Variants in CLDN10 observed in about 807,000 individuals in gnomAD.
CLDN10 encodes the protein claudin-10.
A neutral mutation model predicts 22.9 loss-of-function variants in CLDN10; 15 were observed. The observed-to-expected ratio is 0.65, with a 90% CI of 0.44 to 1.01. The LOEUF (loss-of-function observed/expected upper bound fraction) is 1.01, where lower values mean the gene tolerates loss of function less well. Ranked by LOEUF, CLDN10 falls within the 50% of genes least tolerant of loss-of-function variation. The probability of loss-of-function intolerance (pLI) is 0.00; values close to 1 mark genes in which losing one functional copy is unlikely to be tolerated. For synonymous variants in CLDN10, 114 were observed against 111.4 expected, an observed-to-expected ratio of 1.02 and a Z score of -0.15; for missense variants, 247 against 287.8, an observed-to-expected ratio of 0.86 and a Z score of 1.03.
At chr13:95,553,050 T>C in intron 1 of CLDN10, 77 bp downstream of exon 1, 6 of 1,552,886 alleles carry the variant, frequency 3.9e-6, no homozygotes, top group Non-Finnish European at 5.2e-6. Context: ...TCGCCCCCAA[T>C]ACCCCCAGCG....
intron 1 of CLDN10, among the ~76,000 whole-genome samples, chr13:95,461,459 C>T (rs566719837): frequency 1.3e-5 from 2 of 152,326 alleles, no homozygotes; most frequent in African/African-American, 4.8e-5. Context: ...CTGTTCACTC[C>T]TGTCCTCAAG....
rs571543065 is a variant in CLDN10, at chr13:95,480,229, C to T, written c.214+46182C>T. 1.2e-4 allele frequency among the ~76,000 whole-genome samples: 19 copies of T among 152,314 alleles called. No homozygotes were observed. The South Asian group carries it at 2.7e-3, about 22-fold the overall frequency. On this transcript the variant is annotated intron_variant, in intron 1 of 4. Coordinates refer to the CLDN10 transcript ENST00000376873. ...ATTACCTCCCACCGGGTCCCTCCCA[C>T]GACACATGGGAATTGTAGGAGCTAT...
At chr13:95,543,964 A>G (rs1386637916) in intron 1 of CLDN10, among the ~76,000 whole-genome samples, 1 of 152,170 alleles carries the variant, frequency 6.6e-6, no homozygotes, top group Non-Finnish European at 1.5e-5. Context: ...AGAAGATTAT[A>G]CTCAAAAGAG....
intron 1 of CLDN10, among the ~76,000 whole-genome samples, chr13:95,537,083 T>A (rs1352310110): frequency 6.6e-6 from 1 of 152,198 alleles, no homozygotes; most frequent in African/African-American, 2.4e-5. Flanking sequence ...AAGCTAACAT[T>A]TTTTCTATTC....
intron 1 of CLDN10, among the ~76,000 whole-genome samples, chr13:95,480,917 A>G (rs1566292545): frequency 6.6e-6 from 1 of 152,234 alleles, no homozygotes; most frequent in African/African-American, 2.4e-5. Context: ...CCTGGGCTCT[A>G]TAGCCCAAGC....
intron 1 of CLDN10, among the ~76,000 whole-genome samples, chr13:95,487,344 G>T (rs189750568): frequency 3.3e-5 from 5 of 152,288 alleles, no homozygotes; most frequent in Admixed American, 2.6e-4. Flanking sequence ...TGAATATTCA[G>T]TACAAATAAT....
At chr13:95,573,269 A>G (rs1195518642) in intron 3 of CLDN10, among the ~76,000 whole-genome samples, 1 of 152,260 alleles carries the variant, frequency 6.6e-6, no homozygotes, top group Non-Finnish European at 1.5e-5. Context: ...TGATTAGTCC[A>G]TCACCAAGAT....
intron 1 of CLDN10, among the ~76,000 whole-genome samples, chr13:95,488,281 A>G (rs2042827804): frequency 6.6e-6 from 1 of 151,652 alleles, no homozygotes; most frequent in Non-Finnish European, 1.5e-5. Context: ...TGGTGGAAGT[A>G]TCCACCCACC....
chr13:95,577,800 A>ACATTT, intron 4 of CLDN10, 100 bp from the exon 5 acceptor site: 1 of 666,650 alleles, frequency 1.5e-6, no homozygotes, highest in South Asian at 2.1e-5. Flanking sequence ...AGGAAGATTT[A>ACATTT]CATTTAGATA....
chr13:95,433,757 A>G (rs1312432729), exon 1 of CLDN10: 2 of 1,480,722 alleles, frequency 1.4e-6, no homozygotes, highest in Admixed American at 3.5e-5. Flanking sequence ...CGCTTGTCAA[A>G]GTGTTCTCTA....
chr13:95,498,247 C>T (rs1445239410), intron 1 of CLDN10, among the ~76,000 whole-genome samples: 1 of 152,156 alleles, frequency 6.6e-6, no homozygotes, highest in African/African-American at 2.4e-5. Context: ...TCCAGGGATC[C>T]ACAACGCCAA....
chr13:95,498,867 C>A (rs2042954833), intron 1 of CLDN10, among the ~76,000 whole-genome samples: 1 of 152,184 alleles, frequency 6.6e-6, no homozygotes, highest in African/African-American at 2.4e-5. Flanking sequence ...ACTCTGTACC[C>A]ATTAAAGAAC....
chr13:95,508,229 T>C (rs1349507868), intron 1 of CLDN10, among the ~76,000 whole-genome samples: 1 of 152,212 alleles, frequency 6.6e-6, no homozygotes, highest in Non-Finnish European at 1.5e-5. Context: ...TTGCATTCCC[T>C]AAAACTACCT....
intron 1 of CLDN10, among the ~76,000 whole-genome samples, chr13:95,511,642 TTTTG>T (rs1172279441): frequency 6.6e-6 from 1 of 151,608 alleles, no homozygotes; most frequent in Non-Finnish European, 1.5e-5. Context: ...TTTTTTTGGT[TTTTG>T]TTTGTTTGTG....
rs1212447250 is a variant in CLDN10, at chr13:95,552,769, T to G, written c.16T>G (p.Ser6Ala). The G allele has an allele frequency of 1.2e-6, 2 of 1,612,522 alleles. No homozygotes were observed. The highest frequency in any genetic ancestry group is 2.7e-5 in the African/African-American group (2 of 74,924). MASTA[S>A]EIIAFMVSIS... ...AGCCGGCGGCATGGCTAGCACGGCTTCGGAGATCATCGCCTTCATGGTCTC... is the reference window on the plus strand; with the variant it reads ...AGCCGGCGGCATGGCTAGCACGGCTGCGGAGATCATCGCCTTCATGGTCTC... The change falls in exon 1 of 5, where the codon TCG becomes GCG. Residue 6 changes from serine (S) to alanine (A), a missense_variant. By Grantham distance (99) the Ser-to-Ala change is moderately conservative (BLOSUM62 1). Coordinates refer to ENST00000299339, the MANE Select transcript of CLDN10 (RefSeq NM_006984.5).
intron 1 of CLDN10, among the ~76,000 whole-genome samples, chr13:95,555,047 G>GTTT (rs71211686): frequency 0.015 from 1,598 of 108,424 alleles, 56 homozygotes; most frequent in African/African-American, 0.048. Flanking sequence ...TGTTAATCCA[G>GTTT]TTTTTTTTTT....
intron 1 of CLDN10, among the ~76,000 whole-genome samples, chr13:95,480,433 G>C (rs2042733402): frequency 6.6e-6 from 1 of 152,206 alleles, no homozygotes; most frequent in Non-Finnish European, 1.5e-5. Flanking sequence ...CCAGAGCTGG[G>C]CTCAGGCCAG....
chr13:95,554,115 A>G lies in CLDN10; in HGVS notation c.220+1142A>G, dbSNP rs576657103. On this transcript the variant is annotated intron_variant, in intron 1 of 4. Transcript: ENST00000299339. ...ACGTGGTATTTGATGGAACCTCCGTATAAGGAATACGCATCTAGTTTTAGA... is the reference window on the plus strand; with the variant it reads ...ACGTGGTATTTGATGGAACCTCCGTGTAAGGAATACGCATCTAGTTTTAGA... Among the ~76,000 whole-genome samples, 3 of 152,306 alleles carry G rather than the reference A, an allele frequency of 2.0e-5. No homozygotes were observed. In the South Asian group the frequency reaches 6.2e-4, roughly 32 times the overall value.
In CLDN10 at chr13:95,433,849, A is replaced by G. The variant is rs1419542422; in HGVS notation, c.16A>G (p.Ile6Val). 8.7e-6 allele frequency: 14 copies of G among 1,613,950 alleles called. No homozygotes were observed. In the East Asian group the frequency reaches 3.1e-4, roughly 36 times the overall value. Residue 6 changes from isoleucine to valine, a missense_variant, in exon 1 of 5, where the codon ATC becomes GTC. By Grantham distance (29) the Ile-to-Val change is conservative (BLOSUM62 3). Coordinates refer to the CLDN10 transcript ENST00000376873. The stretch of plus-strand genomic sequence containing the variant: ...GCGGCGCGACATGTCCAGGGCGCAG[A>G]TCTGGGCTCTGGTGTCTGGTGTCGG...
Sources: gnomAD v4.1 joint callset for allele counts (sites outside exome capture counted in the v4.1 genomes callset) on GRCh38, gnomAD v4.1.1 for gene constraint, MANE v1.5 for transcripts, NCBI Gene and HGNC (gene_info 2026-07-23, HGNC 2026-07-21) for gene names.